PRDM2: variants seen among roughly 807,000 people sequenced by gnomAD.
PRDM2 encodes the protein PR/SET domain 2.
In PRDM2, 30 loss-of-function variants were observed where a neutral mutation model predicts 130.0. The observed-to-expected ratio is 0.23, with a 90% CI of 0.17 to 0.31. The LOEUF is 0.31. PRDM2 is among the 10% of genes least tolerant of loss of function. The pLI is 1.00. For missense variants in PRDM2, 2,011 were observed against 2,108.4 expected, an observed-to-expected ratio of 0.95 and a Z score of 0.90; for synonymous variants, 871 against 782.4, an observed-to-expected ratio of 1.11 and a Z score of -1.89.
chr1:13,788,144 G>A, intron 8 of PRDM2: 1 of 922,622 alleles, frequency 1.1e-6, no homozygotes, highest in South Asian at 5.0e-5. Context: ...AGGTGTGTGT[G>A]GAGGATTGTT....
At chr1:13,822,925 G>C (rs1393642391) in intron 9 of PRDM2, among the ~76,000 whole-genome samples, 1 of 152,148 alleles carries the variant, frequency 6.6e-6, no homozygotes, top group African/African-American at 2.4e-5. Context: ...ATCCTTAAAG[G>C]GGTCACGGGT....
chr1:13,751,811 T>C (rs908902565), intron 6 of PRDM2, among the ~76,000 whole-genome samples: 1 of 152,244 alleles, frequency 6.6e-6, no homozygotes, highest in Non-Finnish European at 1.5e-5. Flanking sequence ...ACAGCTGCTA[T>C]ACTTACAGCT....
In PRDM2 at chr1:13,803,615, G is replaced by T. The variant is rs1197776220; in HGVS notation, c.5037-12812G>T. 6.6e-6 allele frequency among the ~76,000 whole-genome samples: 1 copy of T among 152,192 alleles called. No homozygotes were observed. The highest frequency in any genetic ancestry group is 1.5e-5 in the Non-Finnish European group (1 of 68,040). Reference sequence around the variant, plus strand: ...CTCGCTCTCCTCGGTTTCCTCGTCTGTAAGGGAAGGGCTGATCCCTGTGGC... The same window carrying T: ...CTCGCTCTCCTCGGTTTCCTCGTCTTTAAGGGAAGGGCTGATCCCTGTGGC... On this transcript the variant is annotated intron_variant, in intron 8 of 9. Transcript: ENST00000311066. This position sits in a 1 kb window ranked among gnomAD's most constrained non-coding sequence, Gnocchi z 6.2.
chr1:13,790,985 G>C (rs1474659186), intron 8 of PRDM2, among the ~76,000 whole-genome samples: 1 of 152,186 alleles, frequency 6.6e-6, no homozygotes. Flanking sequence ...CCTGAGGTTG[G>C]TGTCATTTAC....
chr1:13,786,794 T>C (rs1644751047), intron 8 of PRDM2: 1 of 1,288,780 alleles, frequency 7.8e-7, no homozygotes, highest in Non-Finnish European at 9.9e-7. Flanking sequence ...ATGAACTGGC[T>C]CCTCGTCATG....
chr1:13,746,853 G>A (rs564179704), intron 5 of PRDM2, among the ~76,000 whole-genome samples: 1 of 152,182 alleles, frequency 6.6e-6, no homozygotes, highest in Non-Finnish European at 1.5e-5. Flanking sequence ...CACTATGCCC[G>A]CTAATAATTT....
rs760794619 is a variant in PRDM2 at position 13,779,722 on chromosome 1, A to G, written c.1927A>G (p.Ser643Gly). The change falls in exon 8 of 10, where the codon AGC becomes GGC. Residue 643 changes from serine to glycine, a missense_variant. By Grantham distance (56) the Ser-to-Gly change is moderately conservative. Transcript: ENST00000311066. The surrounding 1 kb of genome is among the most constrained non-coding windows in gnomAD (Gnocchi z 4.9). ...TGAGGCCAAGAAGCGGAGAACTGCG[A>G]GCCCACCTGCACTGCCCAAAATTAA... ...NSEAKKRRTA[S>G]PPALPKIKAE... 3 of 1,614,080 alleles carry G rather than the reference A, an allele frequency of 1.9e-6. No individual in the cohort carries two copies. Among genetic ancestry groups the G allele is most frequent in the Admixed American group, 3.3e-5 (2 of 60,000 alleles).
intron 8 of PRDM2, among the ~76,000 whole-genome samples, chr1:13,808,213 CG>C (rs1227871818): frequency 3.3e-5 from 5 of 152,228 alleles, no homozygotes; most frequent in Non-Finnish European, 7.4e-5. Context: ...GATGCTGGGC[CG>C]GGCGCGGTGG....
At chr1:13,736,114 CTTTTTTTTTTT>C (rs766095858) in intron 4 of PRDM2, among the ~76,000 whole-genome samples, 1 of 132,022 alleles carries the variant, frequency 7.6e-6, no homozygotes. Flanking sequence ...TGTTTCTTTT[CTTTTTTTTTTT>C]TTTTTTGAGA....
intron 4 of PRDM2, among the ~76,000 whole-genome samples, chr1:13,738,369 T>C (rs1643335143): frequency 6.6e-6 from 1 of 152,220 alleles, no homozygotes; most frequent in Non-Finnish European, 1.5e-5. Flanking sequence ...GGTTCATAGA[T>C]AGAATTTCTG....
At chr1:13,734,217 G>A (rs899390238) in intron 4 of PRDM2, among the ~76,000 whole-genome samples, 4 of 152,002 alleles carry the variant, frequency 2.6e-5, no homozygotes, top group Non-Finnish European at 4.4e-5. Flanking sequence ...AAAACTGCCC[G>A]GCCAAAAAAT....
At chr1:13,711,141 G>C (rs987308965) in intron 1 of PRDM2, among the ~76,000 whole-genome samples, 2 of 151,990 alleles carry the variant, frequency 1.3e-5, no homozygotes, top group African/African-American at 2.4e-5. Flanking sequence ...TGATACGCTT[G>C]GAAAGATTTT....
At chr1:13,819,017 T>C (rs1645304443) in intron 9 of PRDM2, among the ~76,000 whole-genome samples, 1 of 152,120 alleles carries the variant, frequency 6.6e-6, no homozygotes, top group Non-Finnish European at 1.5e-5. Flanking sequence ...TTCTGGAAAG[T>C]GAGAGGCCAT....
At position 13,749,451 on chromosome 1, in the gene PRDM2, G is replaced by T. The variant is rs139226961; in HGVS notation, c.475G>T (p.Ala159Ser). 2.1e-5 allele frequency: 31 copies of T among 1,508,548 alleles called. No individual in the cohort carries two copies. In the East Asian group the frequency reaches 2.5e-4, roughly 12 times the overall value. 93.4% of individuals were successfully genotyped at this position (1,508,548 alleles called of 1,614,324 possible). The change falls in exon 6 of 10, where the codon GCC (alanine) becomes TCC (serine). Residue 159 changes from alanine (A) to serine (S), a missense_variant. This residue lies in a region of PRDM2 where 1,288 missense variants were observed against 1,237.7 expected (regional missense o/e 1.04). Coordinates refer to ENST00000311066, the MANE Select transcript of PRDM2 (RefSeq NM_001393986.1). Reference protein sequence around the residue: ...AAAIEEERASARSKRSSPKSR... With the variant: ...AAAIEEERASSRSKRSSPKSR... ...TGCGATTGAGGAAGAGCGAGCCAGC[G>T]CCCGGAGCAAGCGGAGCTCCCCCAA...
chr1:13,758,533 T>C (rs1047716267), intron 6 of PRDM2, among the ~76,000 whole-genome samples: 46 of 152,128 alleles, frequency 3.0e-4, no homozygotes, highest in African/African-American at 1.0e-3. Flanking sequence ...CAGTTTGTAA[T>C]CTATGCTTTC....
At chr1:13,773,255 C>G in intron 7 of PRDM2, 67 bp downstream of exon 7, 4 of 933,172 alleles carry the variant, frequency 4.3e-6, no homozygotes, top group Non-Finnish European at 6.1e-6. Flanking sequence ...AACTTTGTAT[C>G]TCTTTATATT....
chr1:13,785,185 GTCTT>G (rs1644708949), intron 8 of PRDM2, among the ~76,000 whole-genome samples: 1 of 152,178 alleles, frequency 6.6e-6, no homozygotes, highest in South Asian at 2.1e-4. Flanking sequence ...AACTACAGTC[GTCTT>G]TCTGTTTAAG....
intron 2 of PRDM2, among the ~76,000 whole-genome samples, chr1:13,719,551 G>C (rs1460501638): frequency 6.6e-6 from 1 of 152,226 alleles, no homozygotes. Context: ...TCACTACTGA[G>C]ATTAACACCA....
intron 1 of PRDM2, among the ~76,000 whole-genome samples, chr1:13,712,779 GAAAT>G (rs146930784): frequency 0.029 from 4,416 of 152,200 alleles, 84 homozygotes; most frequent in Middle Eastern, 0.045. Context: ...ACAAAAAAAA[GAAAT>G]AAAATCTATC....
Sources: allele counts gnomAD v4.1 joint callset (sites outside exome capture counted in the v4.1 genomes callset), GRCh38; gene constraint gnomAD v4.1.1; regional missense constraint gnomAD v4.1.1; non-coding constraint Gnocchi (gnomAD v3.1); transcripts MANE v1.5; gene names NCBI Gene and HGNC (gene_info 2026-07-23, HGNC 2026-07-21).